CIC: variants seen among roughly 807,000 people sequenced by gnomAD.
CIC encodes the protein capicua transcriptional repressor, also known as protein capicua homolog.
A neutral mutation model predicts 115.7 loss-of-function variants in CIC; 18 were observed. The ratio of observed to expected loss-of-function variants is 0.16; its 90% CI spans 0.11 to 0.23. The LOEUF (loss-of-function observed/expected upper bound fraction) is 0.23, where lower values mean the gene tolerates loss of function less well. Ranked by LOEUF, CIC falls within the 10% of genes least tolerant of loss-of-function variation. The probability of loss-of-function intolerance (pLI) is 1.00; values close to 1 mark genes in which losing one functional copy is unlikely to be tolerated. For synonymous variants in CIC, 1,076 were observed against 923.0 expected (o/e 1.17, Z -3.01); for missense variants, 2,000 against 2,159.3 (o/e 0.93, Z 1.46).
chr19:42,289,852 C>T lies in CIC; in HGVS notation c.4092C>T (p.Asp1364=), dbSNP rs745445988. Reference sequence around the variant, plus strand: ...CTGTTCCCTCCACTCCCTCAGCTGACGATGGCTTCGGCACCACTGACATTG... The same window carrying T: ...CTGTTCCCTCCACTCCCTCAGCTGATGATGGCTTCGGCACCACTGACATTG... The part of the protein sequence containing the change: ...EEEGDDDVIA[D]DGFGTTDIDL... The change falls in exon 10 of 21, where the codon GAC becomes GAT. Residue 1364 remains aspartate, a synonymous_variant. Transcript: ENST00000681038. 16 of 1,598,886 alleles carry T rather than the reference C, an allele frequency of 1.0e-5. No individual in the cohort carries two copies. Among genetic ancestry groups the T allele is most frequent in the African/African-American group, 1.3e-5 (1 of 74,766 alleles).
chr19:42,272,822 A>C lies in CIC; in HGVS notation c.1039A>C (p.Thr347Pro), dbSNP rs2036837417. ...RLLRPPWEPE[T>P]MLRKPPTGPE... ...GCTGCGCCCCCCCTGGGAACCTGAG[A>C]CCATGCTGAGGAAGCCCCCTACAGG... The change falls in exon 2 of 21, where the codon ACC becomes CCC. Residue 347 changes from threonine (T) to proline (P), a missense_variant. Physicochemically the swap from Thr to Pro is conservative, Grantham distance 38 (BLOSUM62 -1). Coordinates refer to ENST00000681038, the MANE Select transcript of CIC (RefSeq NM_001386298.1). The C allele has an allele frequency of 2.5e-6, 1 of 398,916 alleles. No homozygotes were observed. Among genetic ancestry groups the C allele is most frequent in the South Asian group, 1.3e-4 (1 of 7,896 alleles). The allele number at this position is 398,916 out of a possible 1,614,324, so 24.7% of individuals were successfully genotyped here.
intron 2 of CIC, among the ~76,000 whole-genome samples, chr19:42,281,302 G>A (rs1425617615): frequency 6.6e-6 from 1 of 152,178 alleles, no homozygotes; most frequent in Non-Finnish European, 1.5e-5. Context: ...TGAGTTTAGA[G>A]TGCGCGTCTG....
chr19:42,274,712 T>C, intron 2 of CIC, 135 bp downstream of exon 2: 1 of 397,670 alleles, frequency 2.5e-6, no homozygotes, highest in Non-Finnish European at 4.4e-6. Flanking sequence ...GCACAGATGT[T>C]GCTGTTGGAA....
At chr19:42,293,414 C>G in intron 16 of CIC, 133 bp downstream of exon 16, 5 of 1,340,418 alleles carry the variant, frequency 3.7e-6, no homozygotes, top group Non-Finnish European at 5.2e-6. Flanking sequence ...TCTGTCCCTT[C>G]TGCCTGCCTG....
rs1390286185 is a variant in CIC at position 42,272,356 on chromosome 19, C to T, written c.573C>T (p.Gly191=). Residue 191 remains glycine (G), a synonymous_variant, in exon 2 of 21, where the codon GGC becomes GGT. Transcript: ENST00000681038. The stretch of plus-strand genomic sequence containing the variant: ...GTGGTCCAGGCCCTTGGCCCCCTGG[C>T]AGCACCAGTGGCAGCTATGACCTGC... ...EACGPGPWPP[G]STSGSYDLRQ... is the part of the protein sequence containing the mutation. 11 of 398,544 alleles carry T rather than the reference C, an allele frequency of 2.8e-5. No individual in the cohort carries two copies. In the South Asian group the frequency reaches 1.3e-3, roughly 46 times the overall value. 24.7% of individuals were successfully genotyped at this position (398,544 alleles called of 1,614,324 possible). A position where few individuals can be genotyped will look rare whatever the true frequency, so the allele number is the denominator to read the frequency against.
At position 42,293,605 on chromosome 19, in the gene CIC, C is replaced by G. The variant is rs776048328; in HGVS notation, c.6536C>G (p.Pro2179Arg). 2 of 1,613,738 alleles carry G rather than the reference C, an allele frequency of 1.2e-6. No individual in the cohort carries two copies. The highest frequency in any genetic ancestry group is 1.3e-5 in the African/African-American group (1 of 74,940). ...KGPETMASKF[P>R]SSSSDWRVPG... is the part of the protein sequence containing the mutation. ...TCTCCACCCCAGGCCAGCAAATTCC[C>G]CAGCTCATCTTCAGACTGGCGCGTC... is the stretch of plus-strand genomic sequence containing the variant. The change falls in exon 17 of 21, where the codon CCC (proline) becomes CGC (arginine). Residue 2179 changes from proline to arginine, a missense_variant. Pro to Arg is a moderately radical substitution (Grantham distance 103, BLOSUM62 -2). Around this residue, in one of 8 missense-constraint regions of CIC, gnomAD observed 1,466 missense variants for 1,390.4 expected, o/e 1.05. Coordinates refer to ENST00000681038, the MANE Select transcript of CIC (RefSeq NM_001386298.1).
rs777753069 is a variant in CIC at position 42,290,314 on chromosome 19, G to A, written c.4273G>A (p.Gly1425Arg). The A allele has an allele frequency of 5.6e-6, 9 of 1,614,056 alleles. No individual in the cohort carries two copies. In the South Asian group the frequency reaches 9.9e-5, roughly 18 times the overall value. ...CCCCCCACTGGACCCTGAGCCCCCA[G>A]GGCCCCCGGATCCTCCTGTAGCCTT... ...CRPPLDPEPP[G>R]PPDPPVAFGK... The change falls in exon 11 of 21, where the codon GGG (glycine) becomes AGG (arginine). Residue 1425 changes from glycine to arginine, a missense_variant. Around this residue, in one of 8 missense-constraint regions of CIC, gnomAD observed 1,466 missense variants for 1,390.4 expected, o/e 1.05. Coordinates refer to ENST00000681038, the MANE Select transcript of CIC (RefSeq NM_001386298.1).
At chr19:42,291,858 GC>G in intron 12 of CIC, 113 bp downstream of exon 12, 1 of 1,415,646 alleles carries the variant, frequency 7.1e-7, no homozygotes, top group Non-Finnish European at 9.9e-7. Context: ...TCTCTGTCTT[GC>G]CATCTTCCGT....
chr19:42,291,899 G>C (rs547132138), intron 12 of CIC, among the ~76,000 whole-genome samples, 154 bp downstream of exon 12: 17 of 151,958 alleles, frequency 1.1e-4, no homozygotes, highest in African/African-American at 4.1e-4. Context: ...ACTCTCTCAA[G>C]TCCTCAGTGT....
intron 10 of CIC, 123 bp downstream of exon 10, chr19:42,290,074 TG>T: frequency 2.2e-6 from 3 of 1,374,604 alleles, no homozygotes; most frequent in Non-Finnish European, 3.1e-6. Flanking sequence ...GCTTGCCCCG[TG>T]GGGAGTTGGG....
rs567197549 is a variant in CIC at position 42,287,769 on chromosome 19, G to T, written c.3493-41G>T. ...TTGGCTCCTCCCAGCTTCTTCTGGT[G>T]GGGTGGGTGAGTGAAGGGTTGCCCT... On this transcript the variant is annotated intron_variant, in intron 6 of 20. Coordinates refer to ENST00000681038, the MANE Select transcript of CIC (RefSeq NM_001386298.1). The surrounding 1 kb of genome is among the most constrained non-coding windows in gnomAD (Gnocchi z 8.7). The T allele has an allele frequency of 8.1e-6, 13 of 1,614,124 alleles. No homozygotes were observed. The South Asian group carries it at 1.4e-4, about 18-fold the overall frequency.
rs1254805886 is a variant in CIC, at chr19:42,273,333, G to A, written c.1550G>A (p.Arg517Gln). The change falls in exon 2 of 21, where the codon CGG becomes CAG. Residue 517 changes from arginine (R) to glutamine (Q), a missense_variant. Arg to Gln is a conservative substitution (Grantham distance 43). Transcript: ENST00000681038. ...GATGGCTGCATGAAGGAGTCACAGC[G>A]GCGAGGCTACTGCTCACGCCACCTG... ...SRDGCMKESQ[R>Q]RGYCSRHLSM... The A allele has an allele frequency of 2.5e-6, 1 of 398,398 alleles. No individual in the cohort carries two copies. Among genetic ancestry groups the A allele is most frequent in the Admixed American group, 4.4e-5 (1 of 22,720 alleles). 24.7% of individuals were successfully genotyped at this position (398,398 alleles called of 1,614,324 possible).
At position 42,294,603 on chromosome 19, in the gene CIC, G is replaced by A; in HGVS notation, c.7055-1G>A. On this transcript the variant is annotated splice_acceptor_variant, in intron 19 of 20. Transcript: ENST00000681038. LOFTEE classifies it high-confidence loss of function. Reference sequence around the variant, plus strand: ...TGCCATGCTGCCTGTGCCCTGCACAGGTACAGAAGCCGAGGACGTGCTTGG... The same window carrying A: ...TGCCATGCTGCCTGTGCCCTGCACAAGTACAGAAGCCGAGGACGTGCTTGG... The A allele has an allele frequency of 6.2e-7, 1 of 1,613,386 alleles. No homozygotes were observed. Among genetic ancestry groups the A allele is most frequent in the Non-Finnish European group, 8.5e-7 (1 of 1,179,970 alleles).
At chr19:42,286,593 C>T (rs922132019) in intron 2 of CIC, among the ~76,000 whole-genome samples, 178 bp from the exon 3 acceptor site, 1 of 139,400 alleles carries the variant, frequency 7.2e-6, no homozygotes. Context: ...ATCTAGAAAC[C>T]TTTCAGGGAG....
chr19:42,272,021 C>T lies in CIC; in HGVS notation c.238C>T (p.Leu80=), dbSNP rs1351126939. The T allele has an allele frequency of 2.5e-6, 1 of 399,000 alleles. No individual in the cohort carries two copies. The highest frequency in any genetic ancestry group is 2.1e-5 in the African/African-American group (1 of 48,762). 24.7% of individuals were successfully genotyped at this position (399,000 alleles called of 1,614,324 possible). A position where few individuals can be genotyped will look rare whatever the true frequency, so the allele number is the denominator to read the frequency against. ...GPGAEGPPLE[L]HPGDPAPGPA... Reference sequence around the variant, plus strand: ...TGGGGCTGAAGGTCCTCCACTGGAGCTGCACCCTGGCGACCCGGCTCCAGG... The same window carrying T: ...TGGGGCTGAAGGTCCTCCACTGGAGTTGCACCCTGGCGACCCGGCTCCAGG... Residue 80 remains leucine, a synonymous_variant, in exon 2 of 21, where the codon CTG becomes TTG. Transcript: ENST00000681038.
intron 12 of CIC, 87 bp from the exon 13 acceptor site, chr19:42,291,999 C>G: frequency 6.3e-7 from 1 of 1,589,466 alleles, no homozygotes; most frequent in East Asian, 2.2e-5. Flanking sequence ...CTTGCTTTTG[C>G]TTAGAGTCCC....
chr19:42,287,180 C>T lies in CIC; in HGVS notation c.3119C>T (p.Ala1040Val), dbSNP rs2147182961. 1 of 1,613,494 alleles carries T rather than the reference C, an allele frequency of 6.2e-7. No homozygotes were observed. The highest frequency in any genetic ancestry group is 1.7e-5 in the Admixed American group (1 of 60,008). Residue 1040 changes from alanine (A) to valine (V), a missense_variant, in exon 4 of 21, where the codon GCC (alanine) becomes GTC (valine). Physicochemically the swap from Ala to Val is moderately conservative, Grantham distance 64 (BLOSUM62 0). This residue lies in a region of CIC where 222 missense variants were observed against 247.7 expected (regional missense o/e 0.90). Coordinates refer to ENST00000681038, the MANE Select transcript of CIC (RefSeq NM_001386298.1). This position sits in a 1 kb window ranked among gnomAD's most constrained non-coding sequence, Gnocchi z 8.7. The stretch of plus-strand genomic sequence containing the variant: ...CCGCCTCCCACCACGGAGGAGGAGG[C>T]CTCCGGCCCCCCAGGAGAGCCCCGG... ...KGPPPTTEEE[A>V]SGPPGEPRLD...
intron 12 of CIC, 109 bp from the exon 13 acceptor site, chr19:42,291,977 A>T (rs2038155491): frequency 1.3e-6 from 2 of 1,524,108 alleles, no homozygotes; most frequent in Non-Finnish European, 1.8e-6. Context: ...TCTCACCCCA[A>T]GTTCTGTGTT....
rs746684244 is a variant in CIC at position 42,286,862 on chromosome 19, G to A, written c.2886G>A (p.Val962=). 6.2e-7 allele frequency: 1 copy of A among 1,613,448 alleles called. No homozygotes were observed. The highest frequency in any genetic ancestry group is 1.1e-5 in the South Asian group (1 of 91,080). ...CACCCAGCCAGCCTGACCCCTCCGT[G>A]CAGCCGAGCGAGGCCCAGCAACCTG... ...FLAPSQPDPS[V]QPSEAQQPAS... is the part of the protein sequence containing the mutation. The change falls in exon 3 of 21, where the codon GTG becomes GTA. Residue 962 remains valine (V), a synonymous_variant. Coordinates refer to ENST00000681038, the MANE Select transcript of CIC (RefSeq NM_001386298.1).
Sources: allele counts gnomAD v4.1 joint callset (sites outside exome capture counted in the v4.1 genomes callset), GRCh38; gene constraint gnomAD v4.1.1; regional missense constraint gnomAD v4.1.1; non-coding constraint Gnocchi (gnomAD v3.1); transcripts MANE v1.5; gene names NCBI Gene and HGNC (gene_info 2026-07-23, HGNC 2026-07-21).